CTSH: variants seen among roughly 807,000 people sequenced by gnomAD.
CTSH encodes pro-cathepsin H.
In CTSH, 52 loss-of-function variants were observed where a neutral mutation model predicts 56.3. The ratio of observed to expected loss-of-function variants is 0.92; its 90% CI spans 0.74 to 1.16. The LOEUF (loss-of-function observed/expected upper bound fraction) is 1.16. CTSH is among the 50% of genes most tolerant of loss of function. CTSH has a pLI of 0.00. For missense variants in CTSH, 406 were observed against 424.5 expected (o/e 0.96, Z 0.38); for synonymous variants, 174 against 155.7 (o/e 1.12, Z -0.88).
At chr15:78,925,162 CTG>C (rs1297864383) in intron 10 of CTSH, among the ~76,000 whole-genome samples, 170 bp downstream of exon 10, 1 of 152,164 alleles carries the variant, frequency 6.6e-6, no homozygotes, top group African/African-American at 2.4e-5. Context: ...GCCCTTGGGG[CTG>C]TGTGAGGATT....
chr15:78,943,528 T>C (rs2055336186), intron 1 of CTSH, among the ~76,000 whole-genome samples: 2 of 152,140 alleles, frequency 1.3e-5, no homozygotes, highest in African/African-American at 4.8e-5. Flanking sequence ...CCGCAGCCGG[T>C]CCCTGACTCC....
intron 8 of CTSH, among the ~76,000 whole-genome samples, chr15:78,929,193 G>A (rs2054990230): frequency 6.6e-6 from 1 of 152,118 alleles, no homozygotes; most frequent in African/African-American, 2.4e-5. Flanking sequence ...GCCGCAGAGC[G>A]GGTATGGGGT....
intron 8 of CTSH, among the ~76,000 whole-genome samples, chr15:78,928,514 G>A (rs1447964546): frequency 1.4e-5 from 2 of 142,874 alleles, no homozygotes; most frequent in Non-Finnish European, 3.0e-5. Context: ...GCAGTGAGCC[G>A]AGATTGCGCC....
intron 1 of CTSH, among the ~76,000 whole-genome samples, chr15:78,941,082 T>G (rs1199706759): frequency 6.6e-6 from 1 of 152,202 alleles, no homozygotes; most frequent in Non-Finnish European, 1.5e-5. Context: ...TTTTTATGCT[T>G]GATCACCTTC....
At chr15:78,930,038 T>C (rs2055016547) in intron 7 of CTSH, among the ~76,000 whole-genome samples, 1 of 152,216 alleles carries the variant, frequency 6.6e-6, no homozygotes, top group Non-Finnish European at 1.5e-5. Context: ...CCTTCTCTGT[T>C]TCTCTCCATA....
intron 3 of CTSH, 27 bp downstream of exon 3, chr15:78,937,291 A>G (rs758204949): frequency 2.6e-6 from 4 of 1,555,416 alleles, no homozygotes; most frequent in Non-Finnish European, 3.5e-6. Context: ...ACATCCTTCC[A>G]GGAAGGAAGG....
intron 9 of CTSH, 64 bp downstream of exon 9, chr15:78,927,648 GA>G: frequency 1.4e-6 from 2 of 1,462,508 alleles, no homozygotes; most frequent in South Asian, 2.3e-5. Context: ...CTGGCTATCC[GA>G]CAGCATGAGA....
intron 7 of CTSH, among the ~76,000 whole-genome samples, chr15:78,930,439 AT>A (rs755508086): frequency 1.5e-4 from 23 of 152,306 alleles, no homozygotes; most frequent in Non-Finnish European, 3.1e-4. Flanking sequence ...AGGCAGGAGA[AT>A]GGGGTGAACC....
chr15:78,931,687 A>C (rs2055064549), intron 6 of CTSH, 181 bp from the exon 7 acceptor site: 2 of 1,465,902 alleles, frequency 1.4e-6, no homozygotes, highest in Admixed American at 4.6e-5. Flanking sequence ...GTGCCAGCCC[A>C]GCAGCTGGCA....
chr15:78,931,950 G>A, intron 6 of CTSH: 1 of 1,167,856 alleles, frequency 8.6e-7, no homozygotes, highest in Non-Finnish European at 1.1e-6. Context: ...CAGGGGCTAG[G>A]ATAGTTCCTT....
intron 4 of CTSH, 121 bp from the exon 5 acceptor site, chr15:78,935,203 C>G (rs2055150579): frequency 1.5e-6 from 1 of 688,188 alleles, no homozygotes; most frequent in Non-Finnish European, 2.5e-6. Flanking sequence ...GGCTGCAGCT[C>G]TCAGAACCTT....
chr15:78,940,215 T>C (rs2055259745), intron 1 of CTSH, among the ~76,000 whole-genome samples: 1 of 152,262 alleles, frequency 6.6e-6, no homozygotes, highest in African/African-American at 2.4e-5. Context: ...TATTTCCCCA[T>C]GTATGTTCTT....
At chr15:78,922,893 G>GTCTGTGGAA (rs1321001021) in intron 11 of CTSH, 100 bp downstream of exon 11, 1 of 1,428,020 alleles carries the variant, frequency 7.0e-7, no homozygotes, top group African/African-American at 1.5e-5. Flanking sequence ...TGACCAGCTC[G>GTCTGTGGAA]TCTGTGGAAG....
At chr15:78,922,715 C>G (rs1461828803) in intron 11 of CTSH, among the ~76,000 whole-genome samples, 1 of 152,218 alleles carries the variant, frequency 6.6e-6, no homozygotes, top group Non-Finnish European at 1.5e-5. Context: ...AGCAGAGTTC[C>G]AAGTTCTGAG....
At chr15:78,939,428 C>T (rs568635767) in intron 1 of CTSH, among the ~76,000 whole-genome samples, 18 of 152,248 alleles carry the variant, frequency 1.2e-4, no homozygotes, top group African/African-American at 2.4e-4. Flanking sequence ...CCTACTGGGT[C>T]GGGGTGCAGA....
intron 1 of CTSH, 24 bp downstream of exon 1, chr15:78,944,867 T>C (rs2055364258): frequency 1.3e-6 from 2 of 1,543,606 alleles, no homozygotes; most frequent in Non-Finnish European, 8.7e-7. Context: ...TAGCACCCTC[T>C]CGGGCGGCGC....
At chr15:78,932,550 G>A (rs1434251053) in intron 5 of CTSH, 92 bp from the exon 6 acceptor site, 6 of 948,356 alleles carry the variant, frequency 6.3e-6, no homozygotes, top group East Asian at 2.5e-5. Flanking sequence ...CCCTGCCAGA[G>A]CTCCCGAGTC....
intron 5 of CTSH, among the ~76,000 whole-genome samples, chr15:78,932,672 C>A (rs2055089848): frequency 6.7e-6 from 1 of 149,994 alleles, no homozygotes; most frequent in Non-Finnish European, 1.5e-5. Flanking sequence ...TGTTCCAGAT[C>A]CATTCATTCT....
rs906530093 is a variant in CTSH at position 78,937,556 on chromosome 15, T to C, written c.124-133A>G. 2.2e-6 allele frequency: 3 copies of C among 1,342,356 alleles called. No homozygotes were observed. In the African/African-American group the frequency reaches 4.4e-5, roughly 20 times the overall value. The allele number at this position is 1,342,356 out of a possible 1,614,324, so 83.2% of individuals were successfully genotyped here. A position where few individuals can be genotyped will look rare whatever the true frequency, so the allele number is the denominator to read the frequency against. On this transcript the variant is annotated intron_variant, in intron 2 of 11. Coordinates refer to ENST00000220166, the MANE Select transcript of CTSH (RefSeq NM_004390.5). ...GATTCTCAGGCCAAATCTGTGTTAA[T>C]GGGCGGGGTACTGCTGAGAAATTTG... is the stretch of plus-strand genomic sequence containing the variant.
Sources: allele counts gnomAD v4.1 joint callset (sites outside exome capture counted in the v4.1 genomes callset), GRCh38; gene constraint gnomAD v4.1.1; transcripts MANE v1.5; gene names NCBI Gene and HGNC (gene_info 2026-07-23, HGNC 2026-07-21).